Variants in DGKB observed in about 807,000 individuals in gnomAD.
DGKB encodes the protein 90 kDa diacylglycerol kinase.
Under a neutral mutation model 114.3 loss-of-function variants are expected in DGKB, and 67 were observed. The ratio of observed to expected loss-of-function variants is 0.59; its 90% CI spans 0.48 to 0.72. The LOEUF (loss-of-function observed/expected upper bound fraction) is 0.72. Ranked by LOEUF, DGKB falls within the 30% of genes least tolerant of loss-of-function variation. The pLI, the probability that DGKB is intolerant of heterozygous loss-of-function variation, is 0.00. For missense variants in DGKB, 907 were observed against 975.2 expected (o/e 0.93, Z 0.93); for synonymous variants, 398 against 323.1 (o/e 1.23, Z -2.49).
At chr7:14,254,902 C>T (rs540176556) in intron 23 of DGKB, among the ~76,000 whole-genome samples, 48 of 152,244 alleles carry the variant, frequency 3.2e-4, no homozygotes, top group East Asian at 2.7e-3. Context: ...TTCACAAATT[C>T]GGATTCATTC....
chr7:14,720,487 G>A (rs1175549074), intron 5 of DGKB, among the ~76,000 whole-genome samples: 4 of 77,236 alleles, frequency 5.2e-5, no homozygotes, highest in African/African-American at 1.4e-4. Context: ...GTGTGTGTGT[G>A]TGTGTGTGTG....
At chr7:14,956,334 C>T (rs896962121) in intron 1 of DGKB, among the ~76,000 whole-genome samples, 4 of 152,010 alleles carry the variant, frequency 2.6e-5, no homozygotes, top group African/African-American at 9.6e-5. Flanking sequence ...TAGTAAAGGA[C>T]TCAATAAATT....
intron 2 of DGKB, among the ~76,000 whole-genome samples, chr7:14,823,544 T>C (rs1337623309): frequency 6.6e-6 from 1 of 152,164 alleles, no homozygotes; most frequent in African/African-American, 2.4e-5. Flanking sequence ...AAGAGTTGAC[T>C]ATCCATGCTT....
intron 20 of DGKB, among the ~76,000 whole-genome samples, chr7:14,528,045 A>T (rs916162643): frequency 6.6e-6 from 1 of 152,224 alleles, no homozygotes; most frequent in African/African-American, 2.4e-5. Flanking sequence ...TGAAATAAAT[A>T]CCTTAGAGAA....
At chr7:14,540,390 T>A (rs1394745877) in intron 20 of DGKB, among the ~76,000 whole-genome samples, 1 of 152,144 alleles carries the variant, frequency 6.6e-6, no homozygotes, top group African/African-American at 2.4e-5. Flanking sequence ...GAGGTGATTG[T>A]GCTTTGTTTG....
intron 2 of DGKB, among the ~76,000 whole-genome samples, chr7:14,759,745 T>C (rs1276669059): frequency 1.3e-5 from 2 of 152,312 alleles, no homozygotes; most frequent in East Asian, 3.9e-4. Flanking sequence ...TGTATAAACA[T>C]ATAATTCAAT....
intron 21 of DGKB, among the ~76,000 whole-genome samples, chr7:14,387,130 A>G (rs77739216): frequency 7.3e-6 from 1 of 136,390 alleles, no homozygotes; most frequent in East Asian, 2.0e-4. Context: ...ATTTATTTAA[A>G]GACAGTGTCT....
intron 1 of DGKB, among the ~76,000 whole-genome samples, chr7:14,871,568 G>T (rs889520062): frequency 6.6e-6 from 1 of 152,062 alleles, no homozygotes; most frequent in Non-Finnish European, 1.5e-5. Context: ...ATGCTAATAC[G>T]CCTAGATACT....
chr7:14,519,918 T>C (rs919156782), intron 20 of DGKB, among the ~76,000 whole-genome samples: 1 of 151,998 alleles, frequency 6.6e-6, no homozygotes, highest in African/African-American at 2.4e-5. Context: ...TTATTATTAT[T>C]GGAGAGAGAT....
chr7:14,310,758 C>T (rs1805259436), intron 23 of DGKB, among the ~76,000 whole-genome samples: 2 of 152,152 alleles, frequency 1.3e-5, no homozygotes, highest in East Asian at 3.9e-4. Flanking sequence ...TCCAACAGGA[C>T]CTGAGACTCT....
At chr7:14,913,364 A>G (rs1329570206) in intron 1 of DGKB, among the ~76,000 whole-genome samples, 1 of 151,584 alleles carries the variant, frequency 6.6e-6, no homozygotes, top group Non-Finnish European at 1.5e-5. Context: ...ATTTTCTAGA[A>G]AATTTCTATG....
intron 13 of DGKB, among the ~76,000 whole-genome samples, chr7:14,661,531 C>T (rs1159628541): frequency 1.3e-5 from 2 of 149,844 alleles, no homozygotes; most frequent in African/African-American, 2.4e-5. Context: ...GTTAGAATGG[C>T]AATCATTAAA....
Position 14,776,701 on chromosome 7 carries a change from G to A in DGKB, c.71-18970C>T, listed in dbSNP as rs945176684. Among the ~76,000 whole-genome samples, 3 of 152,372 alleles carry A rather than the reference G, an allele frequency of 2.0e-5. No homozygotes were observed. The East Asian group carries it at 5.8e-4, about 29-fold the overall frequency. ...ATGGAAATGCCTGGATGTCCAGGCA[G>A]AAGTCTGCTGCAGAGCCAGAGCCCT... On this transcript the variant is annotated intron_variant, in intron 2 of 25. Coordinates refer to ENST00000402815, the MANE Select transcript of DGKB (RefSeq NM_001350709.2).
intron 2 of DGKB, among the ~76,000 whole-genome samples, chr7:14,822,098 CG>C (rs1845024533): frequency 6.6e-6 from 1 of 152,048 alleles, no homozygotes; most frequent in Non-Finnish European, 1.5e-5. Flanking sequence ...TTACTTTAAT[CG>C]GGCAGAAAGG....
intron 17 of DGKB, among the ~76,000 whole-genome samples, chr7:14,594,180 TGTAA>T (rs1355511813): frequency 6.6e-6 from 1 of 152,132 alleles, no homozygotes; most frequent in Non-Finnish European, 1.5e-5. Flanking sequence ...TTCTCTCATC[TGTAA>T]GTGTGTTTTT....
intron 23 of DGKB, among the ~76,000 whole-genome samples, chr7:14,299,075 A>C (rs181891893): frequency 3.8e-4 from 58 of 152,268 alleles, no homozygotes; most frequent in African/African-American, 1.2e-3. Context: ...AGAAATAGGA[A>C]TGCCTTTACA....
chr7:14,436,527 G>C (rs71538876), intron 21 of DGKB, among the ~76,000 whole-genome samples: 309 of 151,952 alleles, frequency 2.0e-3, no homozygotes, highest in Non-Finnish European at 3.5e-3. Flanking sequence ...GTCCACTTGG[G>C]GACAAGTTGC....
At chr7:14,463,029 G>A (rs1040637388) in intron 21 of DGKB, among the ~76,000 whole-genome samples, 6 of 152,134 alleles carry the variant, frequency 3.9e-5, no homozygotes, top group Non-Finnish European at 5.9e-5. Flanking sequence ...TGGGAAAACT[G>A]GCCAGCCATA....
chr7:14,790,884 A>T (rs1053441411), intron 2 of DGKB, among the ~76,000 whole-genome samples: 2 of 152,172 alleles, frequency 1.3e-5, no homozygotes, highest in African/African-American at 4.8e-5. Context: ...TAAAATCTTT[A>T]TATTATTTTA....
Sources: gnomAD v4.1 joint callset for allele counts (sites outside exome capture counted in the v4.1 genomes callset) on GRCh38, gnomAD v4.1.1 for gene constraint, MANE v1.5 for transcripts, NCBI Gene and HGNC (gene_info 2026-07-23, HGNC 2026-07-21) for gene names.